ADGB: variants seen among roughly 807,000 people sequenced by gnomAD.
ADGB encodes androglobin.
In ADGB, 172 loss-of-function variants were observed where a neutral mutation model predicts 210.5. That is an observed-to-expected ratio of 0.82 (90% CI 0.72 to 0.93). The LOEUF is 0.93. Ranked by LOEUF, ADGB falls within the 40% of genes least tolerant of loss-of-function variation. ADGB has a pLI of 0.00. For synonymous variants in ADGB, 658 were observed against 662.7 expected (o/e 0.99, Z 0.11); for missense variants, 2,025 against 1,964.8 (o/e 1.03, Z -0.58).
chr6:146,685,571 C>T (rs995784843), intron 9 of ADGB, among the ~76,000 whole-genome samples, 163 bp from the exon 10 acceptor site: 1 of 151,966 alleles, frequency 6.6e-6, no homozygotes, highest in African/African-American at 2.4e-5. Context: ...AAAATAGATA[C>T]ATCTTTGAGA....
At chr6:146,677,786 G>A (rs1562272131) in intron 9 of ADGB, among the ~76,000 whole-genome samples, 1 of 152,192 alleles carries the variant, frequency 6.6e-6, no homozygotes, top group Non-Finnish European at 1.5e-5. Context: ...AACACTGAGT[G>A]TATAAGTATC....
chr6:146,666,840 G>A lies in ADGB; in HGVS notation c.777G>A (p.Glu259=), dbSNP rs932495238. 2.6e-6 allele frequency: 4 copies of A among 1,548,938 alleles called. No homozygotes were observed. In the African/African-American group the frequency reaches 4.1e-5, roughly 16 times the overall value. Residue 259 remains glutamate, a synonymous_variant, in exon 7 of 36, where the codon GAG becomes GAA. Coordinates refer to ENST00000397944, the MANE Select transcript of ADGB (RefSeq NM_024694.4). ...GCATCCATGTAGCAGACAGGAGAGA[G>A]CTGGGGGAGTTCACGGTTATTCATG... ...NIDIHVADRR[E]LGEFTVIHAL...
chr6:146,752,707 C>G lies in ADGB; in HGVS notation c.3543C>G (p.Ser1181Arg). ...FHFLKSEKGL[S>R]SQSSKHILSF... ...TCTTGAAGAGTGAGAAAGGTTTGAGCTCCCAGTGTAAGTGTACCTTTATGA... is the reference window on the plus strand; with the variant it reads ...TCTTGAAGAGTGAGAAAGGTTTGAGGTCCCAGTGTAAGTGTACCTTTATGA... The change falls in exon 27 of 36, where the codon AGC (serine) becomes AGG (arginine). Residue 1181 changes from serine to arginine, a missense_variant. By Grantham distance (110) the Ser-to-Arg change is moderately radical (BLOSUM62 -1). Transcript: ENST00000397944. 6.5e-7 allele frequency: 1 copy of G among 1,549,020 alleles called. No individual in the cohort carries two copies. The highest frequency in any genetic ancestry group is 8.7e-7 in the Non-Finnish European group (1 of 1,145,634).
At chr6:146,606,675 T>C (rs1269279076) in intron 1 of ADGB, among the ~76,000 whole-genome samples, 1 of 152,202 alleles carries the variant, frequency 6.6e-6, no homozygotes, top group East Asian at 1.9e-4. Context: ...CCACATTGCT[T>C]GTTATTGTTG....
intron 28 of ADGB, among the ~76,000 whole-genome samples, chr6:146,767,629 C>T (rs1223420302): frequency 1.3e-5 from 2 of 152,062 alleles, no homozygotes; most frequent in South Asian, 2.1e-4. Context: ...CCCCCACACC[C>T]GGCTAATATT....
chr6:146,672,252 T>C lies in ADGB; in HGVS notation c.872T>C (p.Leu291Pro), dbSNP rs1020016061. 5 of 1,544,052 alleles carry C rather than the reference T, an allele frequency of 3.2e-6. No individual in the cohort carries two copies. The highest frequency in any genetic ancestry group is 1.4e-5 in the African/African-American group (1 of 72,604). The change falls in exon 8 of 36, where the codon CTG becomes CCG. Residue 291 changes from leucine to proline, a missense_variant. Coordinates refer to ENST00000397944, the MANE Select transcript of ADGB (RefSeq NM_024694.4). The part of the protein sequence containing the change: ...PGYMDKVWEL[L>P]KEILPEFKLS... ...TATATGGACAAAGTTTGGGAGCTCCTGAAAGAAATATTGCCTGAGTTTAAG... is the reference window on the plus strand; with the variant it reads ...TATATGGACAAAGTTTGGGAGCTCCCGAAAGAAATATTGCCTGAGTTTAAG...
At chr6:146,757,062 C>T (rs1351805934) in intron 27 of ADGB, among the ~76,000 whole-genome samples, 1 of 151,932 alleles carries the variant, frequency 6.6e-6, no homozygotes, top group Non-Finnish European at 1.5e-5. Context: ...ACCCATAATT[C>T]ATCAACAAAT....
rs188514318 is a variant in ADGB, at chr6:146,733,828, G to A, written c.2657-65G>A. On this transcript the variant is annotated intron_variant, in intron 21 of 35. Transcript: ENST00000397944. ...TGTTGGAGGGCTTTGGCAGCTGAAG[G>A]CGTTGAAACTTAGGGAAGGGATTAA... The A allele has an allele frequency of 1.1e-3, 1,687 of 1,523,202 alleles. 15 individuals are homozygous for A. The East Asian group carries it at 0.015, about 14-fold the overall frequency. The allele number at this position is 1,523,202 out of a possible 1,614,324, so 94.4% of individuals were successfully genotyped here.
intron 11 of ADGB, among the ~76,000 whole-genome samples, chr6:146,692,330 T>A (rs538888337): frequency 3.9e-5 from 6 of 152,292 alleles, no homozygotes; most frequent in Middle Eastern, 3.4e-3. Flanking sequence ...TTTAGGAATA[T>A]CCACAACACC....
chr6:146,802,075 T>C (rs1356452490), intron 35 of ADGB, 64 bp downstream of exon 35: 1 of 1,081,994 alleles, frequency 9.2e-7, no homozygotes, highest in African/African-American at 1.7e-5. Flanking sequence ...TAAAAAGAAA[T>C]TATATAATTA....
At chr6:146,741,042 T>C in intron 24 of ADGB, 76 bp from the exon 25 acceptor site, 19 of 1,207,632 alleles carry the variant, frequency 1.6e-5, no homozygotes, top group South Asian at 4.7e-5. Context: ...TAAAAAAATT[T>C]CTTGGCATTA....
At chr6:146,770,953 C>T (rs1562296912) in intron 29 of ADGB, among the ~76,000 whole-genome samples, 1 of 152,068 alleles carries the variant, frequency 6.6e-6, no homozygotes, top group African/African-American at 2.4e-5. Flanking sequence ...CTTCAACCTC[C>T]CCTCCTAAAG....
chr6:146,675,135 A>T (rs1467563959), intron 8 of ADGB, among the ~76,000 whole-genome samples: 1 of 152,070 alleles, frequency 6.6e-6, no homozygotes, highest in Non-Finnish European at 1.5e-5. Context: ...TTTATATCTA[A>T]TTTAAGTGTT....
chr6:146,604,776 G>A (rs183456498), intron 1 of ADGB, among the ~76,000 whole-genome samples: 92 of 152,218 alleles, frequency 6.0e-4, no homozygotes, highest in Non-Finnish European at 1.2e-3. Context: ...GAAGTAACTA[G>A]GAAATATAGA....
intron 29 of ADGB, among the ~76,000 whole-genome samples, chr6:146,776,221 A>G (rs1777718903): frequency 6.6e-6 from 1 of 152,180 alleles, no homozygotes; most frequent in African/African-American, 2.4e-5. Context: ...TTCTGATTAC[A>G]TAAATATGCA....
intron 13 of ADGB, among the ~76,000 whole-genome samples, chr6:146,702,187 G>C (rs1776500844): frequency 6.6e-6 from 1 of 151,850 alleles, no homozygotes; most frequent in Admixed American, 6.6e-5. Context: ...CTAGTTAATA[G>C]GGCATTCATT....
chr6:146,668,493 G>A (rs182930209), intron 7 of ADGB, among the ~76,000 whole-genome samples: 113 of 152,196 alleles, frequency 7.4e-4, no homozygotes, highest in Middle Eastern at 3.4e-3. Context: ...GGCCAAGATA[G>A]CACTCTTTTA....
chr6:146,637,515 A>T (rs969679541), intron 2 of ADGB, among the ~76,000 whole-genome samples: 2 of 152,032 alleles, frequency 1.3e-5, no homozygotes, highest in Admixed American at 6.6e-5. Flanking sequence ...TTGGAGAGAA[A>T]TTTAGGAACA....
intron 4 of ADGB, among the ~76,000 whole-genome samples, chr6:146,655,120 G>A (rs1035330265): frequency 7.2e-5 from 11 of 152,136 alleles, no homozygotes; most frequent in African/African-American, 2.7e-4. Context: ...ACATTCAAAA[G>A]GGAAATGAAG....
Sources: gnomAD v4.1 joint callset for allele counts (sites outside exome capture counted in the v4.1 genomes callset) on GRCh38, gnomAD v4.1.1 for gene constraint, MANE v1.5 for transcripts, NCBI Gene and HGNC (gene_info 2026-07-23, HGNC 2026-07-21) for gene names.